Variants in RIMS2 observed in about 807,000 individuals in gnomAD.
RIMS2 encodes regulating synaptic membrane exocytosis protein 2.
A neutral mutation model predicts 174.4 loss-of-function variants in RIMS2; 59 were observed. The ratio of observed to expected loss-of-function variants is 0.34; its 90% CI spans 0.27 to 0.42. The LOEUF (loss-of-function observed/expected upper bound fraction) is 0.42. RIMS2 is among the 10% of genes least tolerant of loss of function. The pLI, the probability that RIMS2 is intolerant of heterozygous loss-of-function variation, is 1.00. For synonymous variants in RIMS2, 606 were observed against 572.5 expected, an observed-to-expected ratio of 1.06 and a Z score of -0.84; for missense variants, 1,620 against 1,666.3, an observed-to-expected ratio of 0.97 and a Z score of 0.48.
intron 2 of RIMS2, among the ~76,000 whole-genome samples, chr8:103,738,327 A>G (rs1017375510): frequency 6.6e-6 from 1 of 152,224 alleles, no homozygotes; most frequent in Non-Finnish European, 1.5e-5. Context: ...CTGGCTAGCC[A>G]TATGTAGAAA....
intron 19 of RIMS2, among the ~76,000 whole-genome samples, chr8:104,221,971 A>T (rs1464125644): frequency 6.6e-6 from 1 of 151,982 alleles, no homozygotes; most frequent in Non-Finnish European, 1.5e-5. Flanking sequence ...AGGACATCAT[A>T]CCTCAGGGCC....
chr8:103,592,860 A>T (rs2094324697), intron 1 of RIMS2, among the ~76,000 whole-genome samples: 1 of 151,406 alleles, frequency 6.6e-6, no homozygotes, highest in South Asian at 2.1e-4. Flanking sequence ...TTGACCTTTG[A>T]GTACACATTG....
At chr8:104,125,830 G>T (rs1198322266) in intron 19 of RIMS2, among the ~76,000 whole-genome samples, 1 of 152,114 alleles carries the variant, frequency 6.6e-6, no homozygotes, top group Non-Finnish European at 1.5e-5. Context: ...CTCAAAAACT[G>T]CAAGCTAAAT....
chr8:103,852,802 T>G (rs1290857281), intron 3 of RIMS2, among the ~76,000 whole-genome samples: 1 of 152,076 alleles, frequency 6.6e-6, no homozygotes, highest in East Asian at 1.9e-4. Context: ...TTATCCAATC[T>G]GTCATTGATA....
Position 104,078,659 on chromosome 8 carries a change from A to G in RIMS2, c.3334+64044A>G, listed in dbSNP as rs1031591608. On this transcript the variant is annotated intron_variant, in intron 19 of 23. Coordinates refer to ENST00000504942, the Ensembl canonical transcript of RIMS2. ...ACAATTCAGTCTATAACACATCTCT[A>G]CAAAGTAGCTAATGATCTTTTAAAT... Among the ~76,000 whole-genome samples, 5 of 152,240 alleles carry G rather than the reference A, an allele frequency of 3.3e-5. No individual in the cohort carries two copies. The East Asian group carries it at 9.6e-4, about 29-fold the overall frequency.
At chr8:103,921,621 T>C (rs1294539213) in intron 9 of RIMS2, 51 bp from the exon 13 acceptor site, 1 of 799,940 alleles carries the variant, frequency 1.3e-6, no homozygotes, top group Non-Finnish European at 2.3e-6. Context: ...ACTTACTAAA[T>C]ACTTGTGAAG....
chr8:104,145,678 TAAA>T (rs2098631353), intron 19 of RIMS2, among the ~76,000 whole-genome samples: 1 of 142,496 alleles, frequency 7.0e-6, no homozygotes, highest in African/African-American at 2.7e-5. Flanking sequence ...ATACAATAAA[TAAA>T]TAAATAAATA....
chr8:103,851,580 T>G (rs2098998140), intron 3 of RIMS2, among the ~76,000 whole-genome samples: 2 of 151,580 alleles, frequency 1.3e-5, no homozygotes, highest in South Asian at 4.2e-4. Context: ...ATTCTTATAG[T>G]TGCTAGCTGC....
chr8:104,251,470 T>G, intron 23 of RIMS2, 132 bp from the exon 30 acceptor site: 1 of 647,484 alleles, frequency 1.5e-6, no homozygotes, highest in Non-Finnish European at 2.7e-6. Context: ...AACTATTCTA[T>G]TATGCAGATT....
chr8:104,175,650 C>T (rs1441570000), intron 19 of RIMS2, among the ~76,000 whole-genome samples: 2 of 152,006 alleles, frequency 1.3e-5, no homozygotes, highest in Non-Finnish European at 2.9e-5. Context: ...AATAATGAAT[C>T]CCCAAACCAC....
intron 1 of RIMS2, among the ~76,000 whole-genome samples, chr8:103,512,132 C>T (rs894954072): frequency 6.6e-6 from 1 of 152,180 alleles, no homozygotes; most frequent in African/African-American, 2.4e-5. Context: ...TTGAGTAACA[C>T]TGGGTGTCTA....
chr8:104,057,706 T>C (rs956414204), intron 19 of RIMS2, among the ~76,000 whole-genome samples: 6 of 145,138 alleles, frequency 4.1e-5, no homozygotes, highest in Non-Finnish European at 9.1e-5. Context: ...CTCCTAATGC[T>C]ATCTCTTCCC....
chr8:103,648,129 A>G (rs1031552199), intron 1 of RIMS2, among the ~76,000 whole-genome samples: 2 of 151,960 alleles, frequency 1.3e-5, no homozygotes, highest in Non-Finnish European at 2.9e-5. Context: ...CTTTGTTCTC[A>G]TTAGTTTCAA....
intron 1 of RIMS2, among the ~76,000 whole-genome samples, chr8:103,628,754 T>TAA (rs200221962): frequency 0.12 from 13,878 of 114,924 alleles, 893 homozygotes; most frequent in Non-Finnish European, 0.16. Context: ...AGACCCATAT[T>TAA]AAAAAAAAAA....
intron 3 of RIMS2, among the ~76,000 whole-genome samples, chr8:103,854,011 A>G (rs2099013427): frequency 6.6e-6 from 1 of 152,094 alleles, no homozygotes; most frequent in Non-Finnish European, 1.5e-5. Flanking sequence ...GATTCTTGCA[A>G]TCCATGAGCA....
intron 14 of RIMS2, among the ~76,000 whole-genome samples, chr8:103,953,728 C>T (rs2086188341): frequency 6.6e-6 from 1 of 152,120 alleles, no homozygotes; most frequent in African/African-American, 2.4e-5. Flanking sequence ...GTCATAATGG[C>T]AGGATCAAAT....
chr8:103,898,495 G>C (rs1455270626), intron 4 of RIMS2, among the ~76,000 whole-genome samples: 1 of 151,634 alleles, frequency 6.6e-6, no homozygotes, highest in African/African-American at 2.4e-5. Flanking sequence ...GTTAACCTGA[G>C]ATGGGGCTAC....
chr8:103,917,150 A>C (rs1022588352), intron 8 of RIMS2, among the ~76,000 whole-genome samples: 1 of 152,206 alleles, frequency 6.6e-6, no homozygotes, highest in Non-Finnish European at 1.5e-5. Context: ...AAGGTAAAAT[A>C]TATACCTATA....
intron 3 of RIMS2, among the ~76,000 whole-genome samples, chr8:103,825,036 G>A (rs969370997): frequency 1.3e-5 from 2 of 152,046 alleles, no homozygotes; most frequent in African/African-American, 4.8e-5. Context: ...TGGTAAAGTT[G>A]CTGTCCTATG....
Sources: gnomAD v4.1 joint callset for allele counts (sites outside exome capture counted in the v4.1 genomes callset) on GRCh38, gnomAD v4.1.1 for gene constraint, MANE v1.5 for transcripts, NCBI Gene and HGNC (gene_info 2026-07-23, HGNC 2026-07-21) for gene names.